PUDP: variants seen among roughly 807,000 people sequenced by gnomAD.
PUDP encodes the protein pseudouridine-5'-phosphatase.
A neutral mutation model predicts 9.4 loss-of-function variants in PUDP; 8 were observed. That is an observed-to-expected ratio of 0.85 (90% CI 0.50 to 1.53). The LOEUF (loss-of-function observed/expected upper bound fraction) is 1.53, where lower values mean the gene tolerates loss of function less well. PUDP is among the 40% of genes most tolerant of loss of function. The pLI is 0.00. For missense variants in PUDP, 188 were observed against 189.7 expected, an observed-to-expected ratio of 0.99 and a Z score of 0.05; for synonymous variants, 99 against 80.7, an observed-to-expected ratio of 1.23 and a Z score of -1.22.
chrX:6,984,151 A>G (rs1461492749), intron 1 of PUDP, among the ~76,000 whole-genome samples: 2 of 112,183 alleles, frequency 1.8e-5, no homozygotes, highest in Non-Finnish European at 3.8e-5. Flanking sequence ...ATTTTTGCAA[A>G]GGTGGTTTCA....
chrX:6,827,738 C>T (rs1316779319), intron 3 of PUDP, among the ~76,000 whole-genome samples: 1 of 112,029 alleles, frequency 8.9e-6, no homozygotes, highest in Non-Finnish European at 1.9e-5. Flanking sequence ...TCTGAAGCCA[C>T]CCTATTCTGT....
At chrX:6,986,358 G>T (rs1421080475) in intron 1 of PUDP, among the ~76,000 whole-genome samples, 1 of 111,498 alleles carries the variant, frequency 9.0e-6, no homozygotes, top group Non-Finnish European at 1.9e-5. Flanking sequence ...CCTACAAACC[G>T]CCCTCAGCGG....
chrX:6,967,903 C>T (rs1462271881), intron 3 of PUDP, among the ~76,000 whole-genome samples: 1 of 112,137 alleles, frequency 8.9e-6, no homozygotes, highest in African/African-American at 3.2e-5. Context: ...AGAGAGGGTC[C>T]CACCTCACAC....
chrX:7,066,787 T>C (rs1193161692), intron 3 of PUDP, among the ~76,000 whole-genome samples: 2 of 112,104 alleles, frequency 1.8e-5, no homozygotes, highest in African/African-American at 6.5e-5. Flanking sequence ...AGCACTGCTA[T>C]AAAGATTAAG....
In PUDP at chrX:7,148,136, T is replaced by TG; in HGVS notation, c.-24dup. On this transcript the variant is annotated 5_prime_UTR_variant, in exon 1 of 4. Transcript: ENST00000381077. Reference sequence around the variant, plus strand: ...CATGGTGGCGCCTTCTGGGTCTGGGTGGGGGCGAGGAGGAAGTGCGCGCGC... The same window carrying TG: ...CATGGTGGCGCCTTCTGGGTCTGGGTGGGGGGCGAGGAGGAAGTGCGCGCGC... 1 of 1,086,704 alleles carries TG rather than the reference T, an allele frequency of 9.2e-7. No individual in the cohort carries two copies. 89.6% of individuals were successfully genotyped at this position (1,086,704 alleles called of 1,213,427 possible). A position where few individuals can be genotyped will look rare whatever the true frequency, so the allele number is the denominator to read the frequency against.
At chrX:6,774,918 T>C (rs185865319) in intron 3 of PUDP, among the ~76,000 whole-genome samples, 1 of 112,745 alleles carries the variant, frequency 8.9e-6, no homozygotes, top group Non-Finnish European at 1.9e-5. Flanking sequence ...CAAACTATGA[T>C]ATCAGAATCT....
At position 6,838,858 on chromosome X, in the gene PUDP, G is replaced by GA. The variant is rs397968773; in HGVS notation, c.*248-132393dup. Among the ~76,000 whole-genome samples the GA allele has an allele frequency of 1.5e-3, 166 of 112,112 alleles. 2 individuals are homozygous for GA. Among genetic ancestry groups the GA allele is most frequent in the African/African-American group, 5.0e-3 (155 of 30,885 alleles). ...CTAGTAGAATAAAGACATTGAACTT[G>GA]AAAGTGACTGTGCTCCATCAAGTCA... On this transcript the variant is annotated intron_variant and NMD_transcript_variant, in intron 3 of 3. Transcript: ENST00000655425.
intron 3 of PUDP, among the ~76,000 whole-genome samples, chrX:6,753,395 T>C (rs1031131991): frequency 2.7e-5 from 3 of 112,519 alleles, no homozygotes; most frequent in Non-Finnish European, 5.6e-5. Flanking sequence ...GAGTTGGTTC[T>C]ACATTTTTGC....
At chrX:7,130,370 T>TACAC (rs35470120) in intron 1 of PUDP, among the ~76,000 whole-genome samples, 21,222 of 104,049 alleles carry the variant, frequency 0.2, 2,109 homozygotes, top group Admixed American at 0.37. Context: ...ATGCACATAC[T>TACAC]ACACACACAC....
In PUDP at chrX:6,876,802, CAT is replaced by C. The variant is rs754696976; in HGVS notation, c.*247+100329_*247+100330del. ...CTATAGACATATATACATATAGACA[CAT>C]GTGTATACACATATATGTGTGTACC... On this transcript the variant is annotated intron_variant and NMD_transcript_variant, in intron 3 of 3. Transcript: ENST00000655425. Among the ~76,000 whole-genome samples the C allele has an allele frequency of 2.1e-4, 23 of 110,986 alleles. No individual in the cohort carries two copies. The East Asian group carries it at 2.6e-3, about 12-fold the overall frequency.
At chrX:6,988,249 C>T (rs920748245) in intron 1 of PUDP, among the ~76,000 whole-genome samples, 2 of 111,733 alleles carry the variant, frequency 1.8e-5, no homozygotes, top group African/African-American at 6.5e-5. Flanking sequence ...TCTTTTGGTG[C>T]TCCCACTCTT....
At chrX:6,924,223 A>T (rs1235765744) in intron 3 of PUDP, among the ~76,000 whole-genome samples, 2 of 110,590 alleles carry the variant, frequency 1.8e-5, no homozygotes, top group Non-Finnish European at 3.8e-5. Flanking sequence ...CCTACCTCCC[A>T]CCTGAGACAG....
intron 3 of PUDP, among the ~76,000 whole-genome samples, chrX:6,776,788 T>C (rs5948727): frequency 0.25 from 28,069 of 111,609 alleles, 2,578 homozygotes; most frequent in East Asian, 0.44. Context: ...AATCTTTTAA[T>C]ATAAAACAAG....
chrX:7,045,681 T>C (rs1929974813), downstream of PUDP, among the ~76,000 whole-genome samples: 1 of 111,614 alleles, frequency 9.0e-6, no homozygotes, highest in Non-Finnish European at 1.9e-5. Context: ...CTGAGAGGTT[T>C]AGCCATACAT....
intron 3 of PUDP, among the ~76,000 whole-genome samples, chrX:6,733,087 T>C (rs1047892976): frequency 8.9e-6 from 1 of 112,635 alleles, no homozygotes; most frequent in Non-Finnish European, 1.9e-5. Flanking sequence ...GGGCCTGTGC[T>C]GACTCCAGCC....
At chrX:7,135,166 G>A (rs751262066) in intron 1 of PUDP, among the ~76,000 whole-genome samples, 2 of 111,481 alleles carry the variant, frequency 1.8e-5, no homozygotes, top group South Asian at 7.6e-4. Flanking sequence ...AAAAAGGGAT[G>A]ACACAGACCC....
At chrX:6,923,585 C>T (rs1012400787) in intron 3 of PUDP, among the ~76,000 whole-genome samples, 1 of 111,428 alleles carries the variant, frequency 9.0e-6, no homozygotes, top group Admixed American at 9.6e-5. Context: ...TTGGGAAATC[C>T]ATCAAGATGT....
chrX:7,107,352 G>A (rs1329064182), intron 1 of PUDP, among the ~76,000 whole-genome samples: 1 of 112,221 alleles, frequency 8.9e-6, no homozygotes, highest in African/African-American at 3.2e-5. Context: ...GTATCTGGGA[G>A]ACCCAGGACA....
chrX:7,127,357 A>G (rs753384081), intron 1 of PUDP, among the ~76,000 whole-genome samples: 1 of 112,331 alleles, frequency 8.9e-6, no homozygotes, highest in Admixed American at 9.4e-5. Flanking sequence ...ATGTGGCCCT[A>G]TGAGGTGTTA....
Sources: allele counts gnomAD v4.1 joint callset (sites outside exome capture counted in the v4.1 genomes callset), GRCh38; gene constraint gnomAD v4.1.1; transcripts MANE v1.5; gene names NCBI Gene and HGNC (gene_info 2026-07-23, HGNC 2026-07-21).